RMDN2: variants seen among roughly 807,000 people sequenced by gnomAD.
The protein encoded by RMDN2 is regulator of microtubule dynamics protein 2.
In RMDN2, 61 loss-of-function variants were observed where a neutral mutation model predicts 52.8. The ratio of observed to expected loss-of-function variants is 1.16; its 90% CI spans 0.94 to 1.43. RMDN2 has a LOEUF of 1.43. Ranked by LOEUF, RMDN2 falls within the 40% of genes most tolerant of loss-of-function variation. RMDN2 has a pLI of 0.00. For synonymous variants in RMDN2, 180 were observed against 153.1 expected (o/e 1.18, Z -1.30); for missense variants, 592 against 475.3 (o/e 1.25, Z -2.28).
intron 10 of RMDN2, among the ~76,000 whole-genome samples, chr2:38,005,146 C>A (rs1370840171): frequency 6.6e-6 from 1 of 152,164 alleles, no homozygotes; most frequent in Non-Finnish European, 1.5e-5. Context: ...GTGAATAGTG[C>A]TGCTATAAAC....
rs1181214581 is a variant in RMDN2 at position 38,000,763 on chromosome 2, G to T, written c.1045-3228G>T. Among the ~76,000 whole-genome samples, 3 of 152,110 alleles carry T rather than the reference G, an allele frequency of 2.0e-5. No individual in the cohort carries two copies. The South Asian group carries it at 6.2e-4, about 32-fold the overall frequency. ...TAACTTACTGATAGACATTTGAGTT[G>T]TTTCTGGTTTGATGCTATTTTGCAT... On this transcript the variant is annotated intron_variant, in intron 8 of 10. Coordinates refer to ENST00000354545, the MANE Select transcript of RMDN2 (RefSeq NM_001170791.3).
At chr2:37,944,135 C>A (rs1668025218) in intron 2 of RMDN2, among the ~76,000 whole-genome samples, 1 of 152,114 alleles carries the variant, frequency 6.6e-6, no homozygotes, top group African/African-American at 2.4e-5. Flanking sequence ...TGGACCTTTT[C>A]TATTTAGTGA....
chr2:37,981,594 A>G (rs1272917019), intron 5 of RMDN2, among the ~76,000 whole-genome samples: 1 of 152,242 alleles, frequency 6.6e-6, no homozygotes, highest in East Asian at 1.9e-4. Context: ...CTGGCTTTGA[A>G]GATGATACGT....
At chr2:37,983,814 G>C (rs914475714) in intron 5 of RMDN2, among the ~76,000 whole-genome samples, 6 of 152,132 alleles carry the variant, frequency 3.9e-5, no homozygotes, top group African/African-American at 1.2e-4. Context: ...TTATTAGTAT[G>C]ATAATAAGAC....
At position 37,981,339 on chromosome 2, in the gene RMDN2, C is replaced by A; in HGVS notation, c.787C>A (p.Leu263Met). 6.3e-7 allele frequency: 1 copy of A among 1,599,236 alleles called. No individual in the cohort carries two copies. The highest frequency in any genetic ancestry group is 8.6e-7 in the Non-Finnish European group (1 of 1,166,518). ...NRAPMNGHCHLWYAVLCGYVS... is the reference protein window; with the variant it reads ...NRAPMNGHCHMWYAVLCGYVS... Reference sequence around the variant, plus strand: ...AGCACCCATGAATGGACATTGTCATCTGTGGTAAGTGTATAGGATTTATGC... The same window carrying A: ...AGCACCCATGAATGGACATTGTCATATGTGGTAAGTGTATAGGATTTATGC... The change falls in exon 5 of 11, where the codon CTG becomes ATG. Residue 263 changes from leucine (L) to methionine (M), a missense_variant. Transcript: ENST00000354545.
intron 2 of RMDN2, among the ~76,000 whole-genome samples, chr2:37,965,287 A>G (rs985240046): frequency 6.7e-6 from 1 of 149,574 alleles, no homozygotes; most frequent in African/African-American, 2.5e-5. Flanking sequence ...TGTATATGCC[A>G]TAGATTTTTT....
At chr2:38,045,344 C>T (rs1418309310) in intron 10 of RMDN2, among the ~76,000 whole-genome samples, 1 of 152,192 alleles carries the variant, frequency 6.6e-6, no homozygotes, top group Non-Finnish European at 1.5e-5. Context: ...CTGTAACACT[C>T]TTACACTCTT....
chr2:37,927,657 A>G (rs1468049580), intron 1 of RMDN2, among the ~76,000 whole-genome samples: 1 of 152,262 alleles, frequency 6.6e-6, no homozygotes, highest in Non-Finnish European at 1.5e-5. Flanking sequence ...ATATCAGCGA[A>G]TGGACATCCT....
intron 2 of RMDN2, among the ~76,000 whole-genome samples, chr2:37,964,163 T>A (rs1572839166): frequency 6.6e-6 from 1 of 150,656 alleles, no homozygotes; most frequent in South Asian, 2.1e-4. Context: ...GCGGAGGGGC[T>A]CCTCACTTCT....
chr2:37,971,121 C>A (rs552601078), intron 2 of RMDN2, among the ~76,000 whole-genome samples: 1 of 151,892 alleles, frequency 6.6e-6, no homozygotes, highest in African/African-American at 2.4e-5. Context: ...TCTAAGAAAC[C>A]ATTGCTTAAT....
rs1451695189 is a variant in RMDN2 at position 37,929,549 on chromosome 2, A to G, written c.272A>G (p.Glu91Gly). The G allele has an allele frequency of 6.4e-7, 1 of 1,551,886 alleles. No homozygotes were observed. Among genetic ancestry groups the G allele is most frequent in the Admixed American group, 2.0e-5 (1 of 51,010 alleles). The change falls in exon 2 of 11, where the codon GAG becomes GGG. Residue 91 changes from glutamate (E) to glycine (G), a missense_variant. Glu to Gly is a moderately conservative substitution (Grantham distance 98). Coordinates refer to ENST00000354545, the MANE Select transcript of RMDN2 (RefSeq NM_001170791.3). ...ELLTNMEELK[E>G]EIRFLKEAIP... is the part of the protein sequence containing the mutation. ...CTGACAAATATGGAAGAACTCAAAG[A>G]GGAAATCAGATTTCTTAAAGAAGCT... is the stretch of plus-strand genomic sequence containing the variant.
chr2:37,989,173 C>G (rs1401117632), intron 5 of RMDN2, among the ~76,000 whole-genome samples: 1 of 152,070 alleles, frequency 6.6e-6, no homozygotes. Flanking sequence ...TAATTTAATG[C>G]TTAATGTGAT....
In RMDN2 at chr2:37,974,200, G is replaced by T; in HGVS notation, c.613G>T (p.Asp205Tyr). 2 of 1,610,684 alleles carry T rather than the reference G, an allele frequency of 1.2e-6. No homozygotes were observed. The highest frequency in any genetic ancestry group is 1.1e-5 in the South Asian group (1 of 90,398). ...GKSESFELLR[D>Y]HKEKFRDEIE... ...GTCGGAGAGTTTTGAACTACTTCGTGACCACAAAGAAAAGGTAAGAGACAT... is the reference window on the plus strand; with the variant it reads ...GTCGGAGAGTTTTGAACTACTTCGTTACCACAAAGAAAAGGTAAGAGACAT... Residue 205 changes from aspartate to tyrosine, a missense_variant, in exon 3 of 11, where the codon GAC becomes TAC. By Grantham distance (160) the Asp-to-Tyr change is radical. Coordinates refer to ENST00000354545, the MANE Select transcript of RMDN2 (RefSeq NM_001170791.3).
At chr2:37,950,953 T>C (rs1432352358) in intron 2 of RMDN2, among the ~76,000 whole-genome samples, 1 of 152,122 alleles carries the variant, frequency 6.6e-6, no homozygotes. Context: ...TCTACCTGCT[T>C]CCCTGATTTT....
intron 2 of RMDN2, among the ~76,000 whole-genome samples, chr2:37,934,048 T>C (rs1572691202): frequency 1.3e-5 from 2 of 152,300 alleles, no homozygotes; most frequent in East Asian, 3.9e-4. Flanking sequence ...CAAGTGTCCT[T>C]GATAGCAAAA....
intron 2 of RMDN2, chr2:37,963,091 C>T (rs1045000938): frequency 6.5e-6 from 1 of 152,704 alleles, no homozygotes; most frequent in African/African-American, 2.4e-5. Context: ...GCAGAAATTA[C>T]CTGCCTTCTG....
At chr2:37,953,352 C>G (rs747797064) in intron 2 of RMDN2, among the ~76,000 whole-genome samples, 2 of 151,966 alleles carry the variant, frequency 1.3e-5, no homozygotes, top group Non-Finnish European at 2.9e-5. Context: ...ACTCTCTACT[C>G]TCTCTCCCTA....
chr2:37,968,864 A>G (rs1671429483), intron 2 of RMDN2, among the ~76,000 whole-genome samples: 1 of 152,378 alleles, frequency 6.6e-6, no homozygotes, highest in Non-Finnish European at 1.5e-5. Context: ...TGGGTAGTAC[A>G]AAACTAATTT....
At chr2:37,959,590 A>G (rs138338218) in intron 2 of RMDN2, among the ~76,000 whole-genome samples, 1 of 150,618 alleles carries the variant, frequency 6.6e-6, no homozygotes, top group African/African-American at 2.5e-5. Context: ...TGATCTTTTC[A>G]AAAAACCAGC....
Sources: gnomAD v4.1 joint callset for allele counts (sites outside exome capture counted in the v4.1 genomes callset) on GRCh38, gnomAD v4.1.1 for gene constraint, MANE v1.5 for transcripts, NCBI Gene and HGNC (gene_info 2026-07-23, HGNC 2026-07-21) for gene names.